Variants in OAS3 observed in about 807,000 individuals in gnomAD.
The protein encoded by OAS3 is 2'-5'-oligoadenylate synthase 3.
A neutral mutation model predicts 113.0 loss-of-function variants in OAS3; 107 were observed. That is an observed-to-expected ratio of 0.95 (90% CI 0.81 to 1.11). OAS3 has a LOEUF of 1.11. Ranked by LOEUF, OAS3 falls within the 50% of genes most tolerant of loss-of-function variation. The probability of loss-of-function intolerance (pLI) is 0.00; values close to 1 mark genes in which losing one functional copy is unlikely to be tolerated. For synonymous variants in OAS3, 552 were observed against 573.6 expected (o/e 0.96, Z 0.54); for missense variants, 1,258 against 1,389.1 (o/e 0.91, Z 1.50).
chr12:112,962,594 G>A (rs547429377), intron 8 of OAS3, 58 bp from the exon 9 acceptor site: 1 of 1,586,300 alleles, frequency 6.3e-7, no homozygotes, highest in Non-Finnish European at 8.6e-7. Context: ...AGTGCTTATG[G>A]CCACACTCAG....
chr12:112,965,644 A>T (rs1460600881), intron 11 of OAS3, 100 bp from the exon 12 acceptor site: 2 of 1,065,160 alleles, frequency 1.9e-6, no homozygotes, highest in African/African-American at 3.2e-5. Context: ...AGGTTAGATG[A>T]CTTGTCCAAG....
intron 2 of OAS3, 34 bp from the exon 3 acceptor site, chr12:112,944,442 G>A (rs749888045): frequency 8.1e-6 from 13 of 1,612,880 alleles, no homozygotes; most frequent in East Asian, 4.5e-5. Flanking sequence ...TGTCCTCAGT[G>A]CCCTCCCTAA....
In OAS3 at chr12:112,969,654, A is replaced by C. The variant is rs767485707; in HGVS notation, c.3151A>C (p.Asn1051His). The stretch of plus-strand genomic sequence containing the variant: ...TGACCCGACAGGCAACCTGGGCCAC[A>C]ATGCCCGCTGGGACCTGCTGGCCAA... ...PADPTGNLGH[N>H]ARWDLLAKEA... Residue 1051 changes from asparagine to histidine, a missense_variant, in exon 15 of 16, where the codon AAT becomes CAT. By Grantham distance (68) the Asn-to-His change is moderately conservative (BLOSUM62 1). Transcript: ENST00000228928. The C allele has an allele frequency of 6.2e-7, 1 of 1,608,426 alleles. No homozygotes were observed. The highest frequency in any genetic ancestry group is 8.5e-7 in the Non-Finnish European group (1 of 1,177,544).
At position 112,938,672 on chromosome 12, in the gene OAS3, G is replaced by A; in HGVS notation, c.142G>A (p.Gly48Ser). The A allele has an allele frequency of 1.3e-6, 2 of 1,584,584 alleles. No individual in the cohort carries two copies. Among genetic ancestry groups the A allele is most frequent in the Non-Finnish European group, 1.7e-6 (2 of 1,167,198 alleles). ...AALRERGGRL[G>S]AAAPRVLKTV... Reference sequence around the variant, plus strand: ...CCTGAGGGAGCGCGGGGGCCGCCTCGGTGCTGCTGCCCCGCGGGTGCTGAA... The same window carrying A: ...CCTGAGGGAGCGCGGGGGCCGCCTCAGTGCTGCTGCCCCGCGGGTGCTGAA... The change falls in exon 1 of 16, where the codon GGT (glycine) becomes AGT (serine). Residue 48 changes from glycine to serine, a missense_variant. By Grantham distance (56) the Gly-to-Ser change is moderately conservative. Coordinates refer to ENST00000228928, the MANE Select transcript of OAS3 (RefSeq NM_006187.4).
intron 1 of OAS3, among the ~76,000 whole-genome samples, chr12:112,941,080 T>G (rs985394629): frequency 2.0e-5 from 3 of 152,112 alleles, no homozygotes; most frequent in Non-Finnish European, 4.4e-5. Context: ...CTCAGACACT[T>G]GGGAGGCTGA....
intron 7 of OAS3, 115 bp downstream of exon 7, chr12:112,951,090 A>C (rs1006446358): frequency 1.9e-6 from 2 of 1,063,632 alleles, no homozygotes; most frequent in South Asian, 3.3e-5. Context: ...CAAGCATTGA[A>C]AACTACTTTG....
rs1365412446 is a variant in OAS3, at chr12:112,971,893, G to A, written c.*1920G>A. 6.6e-6 allele frequency: 1 copy of A among 152,264 alleles called. No individual in the cohort carries two copies. The highest frequency in any genetic ancestry group is 2.4e-5 in the African/African-American group (1 of 41,424). The allele number at this position is 152,264 out of a possible 1,614,324, so 9.4% of individuals were successfully genotyped here. A position where few individuals can be genotyped will look rare whatever the true frequency, so the allele number is the denominator to read the frequency against. On this transcript the variant is annotated 3_prime_UTR_variant, in exon 16 of 16. Coordinates refer to ENST00000228928, the MANE Select transcript of OAS3 (RefSeq NM_006187.4). ...ATCTTGGTGCTGAACCAACGCTAAG[G>A]GCACCTTCTTAGACTCACCTCATCG...
Position 112,967,568 on chromosome 12 carries a change from G to C in OAS3, c.2840G>C (p.Arg947Pro). The change falls in exon 13 of 16, where the codon CGG becomes CCG. Residue 947 changes from arginine to proline, a missense_variant. By Grantham distance (103) the Arg-to-Pro change is moderately radical (BLOSUM62 -2). Coordinates refer to ENST00000228928, the MANE Select transcript of OAS3 (RefSeq NM_006187.4). ...SRPTKLKSLI[R>P]LVKHWYQQCT... ...CCTACCAAGCTGAAGAGCCTGATCC[G>C]GCTGGTGAAGCACTGGTACCAGCAG... 1 of 1,613,692 alleles carries C rather than the reference G, an allele frequency of 6.2e-7. No individual in the cohort carries two copies. The highest frequency in any genetic ancestry group is 8.5e-7 in the Non-Finnish European group (1 of 1,179,786).
In OAS3 at chr12:112,946,955, C is replaced by G; in HGVS notation, c.849C>G (p.Phe283Leu). The G allele has an allele frequency of 1.2e-6, 2 of 1,614,026 alleles. No individual in the cohort carries two copies. The highest frequency in any genetic ancestry group is 1.7e-6 in the Non-Finnish European group (2 of 1,179,880). The change falls in exon 4 of 16, where the codon TTC (phenylalanine) becomes TTG (leucine). Residue 283 changes from phenylalanine to leucine, a missense_variant. Phe to Leu is a conservative substitution (Grantham distance 22). Transcript: ENST00000228928. ...YGFEDPAVGQ[F>L]LQRQLKRPRP... ...TCGAGGACCCTGCAGTTGGGCAGTT[C>G]TTGCAGCGGCAGCTTAAGAGACCCA...
intron 2 of OAS3, among the ~76,000 whole-genome samples, chr12:112,944,020 C>G (rs372323346): frequency 6.6e-6 from 1 of 152,226 alleles, no homozygotes; most frequent in African/African-American, 2.4e-5. Context: ...ACAACCACTG[C>G]TAAAGGATCA....
chr12:112,972,024 C>T lies in OAS3; in HGVS notation c.*2051C>T, dbSNP rs1186183038. ...CATATCCAAGAGCTCAGGGCCAGTT[C>T]TGGTGGGCAGCAGAGACCTGCTCTG... is the stretch of plus-strand genomic sequence containing the variant. On this transcript the variant is annotated 3_prime_UTR_variant, in exon 16 of 16. Transcript: ENST00000228928. 6.6e-6 allele frequency: 1 copy of T among 152,222 alleles called. No individual in the cohort carries two copies. Among genetic ancestry groups the T allele is most frequent in the African/African-American group, 2.4e-5 (1 of 41,446 alleles). 9.4% of individuals were successfully genotyped at this position (152,222 alleles called of 1,614,324 possible).
At chr12:112,947,043 A>G (rs757936301) in intron 4 of OAS3, 62 bp downstream of exon 4, 1 of 1,413,122 alleles carries the variant, frequency 7.1e-7, no homozygotes, top group Non-Finnish European at 9.9e-7. Context: ...ATAATTGACA[A>G]GGACAAAACC....
Position 112,949,112 on chromosome 12 carries a change from C to G in OAS3, c.1281C>G (p.Ser427Arg). Residue 427 changes from serine (S) to arginine (R), a missense_variant, in exon 6 of 16, where the codon AGC (serine) becomes AGG (arginine). Physicochemically the swap from Ser to Arg is moderately radical, Grantham distance 110. Transcript: ENST00000228928. The stretch of plus-strand genomic sequence containing the variant: ...TCATCCAGGACCACCTGAAGCCGAG[C>G]CCCCAGTTCCAGGAGCAGGTGAAAA... Reference protein sequence around the residue: ...DRFIQDHLKPSPQFQEQVKKA... With the variant: ...DRFIQDHLKPRPQFQEQVKKA... The G allele has an allele frequency of 6.2e-7, 1 of 1,613,950 alleles. No homozygotes were observed. The highest frequency in any genetic ancestry group is 1.1e-5 in the South Asian group (1 of 91,084).
At chr12:112,952,216 A>G (rs1265870128) in intron 7 of OAS3, among the ~76,000 whole-genome samples, 3 of 152,222 alleles carry the variant, frequency 2.0e-5, no homozygotes, top group South Asian at 2.1e-4. Context: ...TATTGGGAAC[A>G]TATAAGTGCA....
At position 112,950,978 on chromosome 12, in the gene OAS3, G is replaced by A; in HGVS notation, c.1657+3G>A. On this transcript the variant is annotated splice_donor_region_variant and intron_variant, in intron 7 of 15. Coordinates refer to ENST00000228928, the MANE Select transcript of OAS3 (RefSeq NM_006187.4). ...GCTGCCTGCCTTCGATGCTGTGGGT[G>A]AGGGCGCCCAGCCTGTCCCTTGGAG... The A allele has an allele frequency of 1.2e-6, 2 of 1,611,636 alleles. No individual in the cohort carries two copies. The highest frequency in any genetic ancestry group is 1.7e-6 in the Non-Finnish European group (2 of 1,178,792).
At chr12:112,954,000 C>G (rs2043812731) in intron 7 of OAS3, among the ~76,000 whole-genome samples, 1 of 152,144 alleles carries the variant, frequency 6.6e-6, no homozygotes, top group Non-Finnish European at 1.5e-5. Flanking sequence ...TTAATTAGAT[C>G]CCATTTGTCA....
intron 8 of OAS3, 127 bp downstream of exon 8, chr12:112,961,373 C>G: frequency 1.2e-6 from 1 of 841,456 alleles, no homozygotes; most frequent in South Asian, 1.8e-5. Flanking sequence ...AGCAGAAGGA[C>G]CGGCCTCCTC....
intron 7 of OAS3, among the ~76,000 whole-genome samples, chr12:112,960,866 C>CA (rs1217422498): frequency 6.6e-6 from 1 of 151,872 alleles, no homozygotes; most frequent in Non-Finnish European, 1.5e-5. Flanking sequence ...GATGGATTAG[C>CA]AAAAAATATT....
intron 2 of OAS3, among the ~76,000 whole-genome samples, chr12:112,942,651 G>C (rs994593696): frequency 1.1e-4 from 16 of 151,854 alleles, no homozygotes; most frequent in Non-Finnish European, 1.9e-4. Context: ...CCAGGCAGTG[G>C]AGGCTGCAGT....
Sources: gnomAD v4.1 joint callset for allele counts (sites outside exome capture counted in the v4.1 genomes callset) on GRCh38, gnomAD v4.1.1 for gene constraint, MANE v1.5 for transcripts, NCBI Gene and HGNC (gene_info 2026-07-23, HGNC 2026-07-21) for gene names.